Variants in CNTN5 observed in about 807,000 individuals in gnomAD.
CNTN5 encodes contactin 5, also known as contactin-5.
CNTN5 carries 77 observed loss-of-function variants against 129.1 expected under a neutral mutation model. The ratio of observed to expected loss-of-function variants is 0.60; its 90% CI spans 0.50 to 0.72. The LOEUF (loss-of-function observed/expected upper bound fraction) is 0.72, where lower values mean the gene tolerates loss of function less well. Among genes scored for constraint, CNTN5 ranks in the 30% least tolerant of loss-of-function variants. CNTN5 has a pLI of 0.00. For synonymous variants in CNTN5, 509 were observed against 465.6 expected (o/e 1.09, Z -1.20); for missense variants, 1,478 against 1,328.8 (o/e 1.11, Z -1.75).
chr11:99,644,213 A>G (rs983524084), intron 3 of CNTN5, among the ~76,000 whole-genome samples: 1 of 118,882 alleles, frequency 8.4e-6, no homozygotes. Context: ...AGAGGAGTCA[A>G]ATCAGAAACT....
rs202044970 is a variant in CNTN5 at position 99,849,343 on chromosome 11, C to CAT, written c.577+4094_577+4095dup. On this transcript the variant is annotated intron_variant, in intron 6 of 24. Transcript: ENST00000524871. ...GTCACATGGCTTTTTGCAGATTCAA[C>CAT]ATATATATATATATGCATAATTAGT... 5.2e-3 allele frequency among the ~76,000 whole-genome samples: 780 copies of CAT among 149,854 alleles called. 7 individuals carry two copies. Among genetic ancestry groups the CAT allele is most frequent in the East Asian group, 0.037 (188 of 5,136 alleles).
intron 1 of CNTN5, among the ~76,000 whole-genome samples, chr11:99,252,247 A>G (rs17660023): frequency 0.095 from 14,494 of 151,770 alleles, 731 homozygotes; most frequent in South Asian, 0.15. Context: ...ATTTTCCCAG[A>G]CCTTAACTAT....
At chr11:99,066,502 TTC>T (rs1241036120) in intron 1 of CNTN5, among the ~76,000 whole-genome samples, 1 of 152,180 alleles carries the variant, frequency 6.6e-6, no homozygotes, top group Non-Finnish European at 1.5e-5. Context: ...CAACAAATTT[TTC>T]TCTGTTAAAT....
intron 3 of CNTN5, among the ~76,000 whole-genome samples, chr11:99,753,691 C>CTTT (rs370112097): frequency 1.8e-5 from 2 of 113,374 alleles, no homozygotes; most frequent in Non-Finnish European, 1.7e-5. Context: ...AAATCACTTC[C>CTTT]TTTTTTTTTT....
intron 2 of CNTN5, among the ~76,000 whole-genome samples, chr11:99,474,515 C>T (rs1199610630): frequency 1.3e-5 from 2 of 151,966 alleles, no homozygotes; most frequent in South Asian, 2.1e-4. Context: ...ATAAAAAAAG[C>T]CCATTTCGTT....
intron 13 of CNTN5, among the ~76,000 whole-genome samples, chr11:100,121,522 A>C (rs990736379): frequency 6.6e-6 from 1 of 151,936 alleles, no homozygotes; most frequent in South Asian, 2.1e-4. Flanking sequence ...GGGGAGGGCA[A>C]TTGTTCCTCT....
At chr11:100,281,431 G>T (rs550212739) in intron 18 of CNTN5, among the ~76,000 whole-genome samples, 1 of 152,132 alleles carries the variant, frequency 6.6e-6, no homozygotes, top group South Asian at 2.1e-4. Context: ...GGCCTGTAAA[G>T]TTTCCACTGA....
chr11:100,291,382 G>A (rs1591483616), intron 18 of CNTN5, among the ~76,000 whole-genome samples: 1 of 150,274 alleles, frequency 6.7e-6, no homozygotes, highest in Non-Finnish European at 1.5e-5. Context: ...TGATAGACTG[G>A]ATTAAGAAAA....
At position 100,341,135 on chromosome 11, in the gene CNTN5, G is replaced by A; in HGVS notation, c.2960G>A (p.Gly987Asp). ...AGCAACCTCAGGTGGGAGCAGCAAG[G>A]CTCTCAGGTTTCTCTGGGCTGGGAA... ...APSNLRWEQQ[G>D]SQVSLGWEPV... The change falls in exon 23 of 25, where the codon GGC becomes GAC. Residue 987 changes from glycine to aspartate, a missense_variant. Coordinates refer to ENST00000524871, the MANE Select transcript of CNTN5 (RefSeq NM_014361.4). 6.2e-7 allele frequency: 1 copy of A among 1,613,842 alleles called. No homozygotes were observed. Among genetic ancestry groups the A allele is most frequent in the Non-Finnish European group, 8.5e-7 (1 of 1,179,790 alleles).
chr11:99,255,631 TGTTA>T (rs1349423817), intron 1 of CNTN5, among the ~76,000 whole-genome samples: 3 of 151,714 alleles, frequency 2.0e-5, no homozygotes, highest in Admixed American at 2.0e-4. Flanking sequence ...TACATCTATT[TGTTA>T]GTTAATGAAA....
chr11:99,750,872 C>T (rs1376554603), intron 3 of CNTN5, among the ~76,000 whole-genome samples: 4 of 152,188 alleles, frequency 2.6e-5, no homozygotes, highest in Non-Finnish European at 4.4e-5. Context: ...TAGCCTGGAG[C>T]ATCTGTTTCT....
intron 2 of CNTN5, among the ~76,000 whole-genome samples, chr11:99,381,422 A>C (rs1025397349): frequency 3.9e-5 from 6 of 152,202 alleles, no homozygotes; most frequent in African/African-American, 1.4e-4. Context: ...GGCTTATTTT[A>C]GGATGTAATA....
chr11:99,998,909 G>T (rs950171607), intron 8 of CNTN5, among the ~76,000 whole-genome samples: 32 of 150,470 alleles, frequency 2.1e-4, no homozygotes, highest in African/African-American at 7.8e-4. Context: ...ATGGGGAAAG[G>T]ATTCCCTATT....
chr11:99,716,722 T>C (rs1446816983), intron 3 of CNTN5, among the ~76,000 whole-genome samples: 1 of 152,114 alleles, frequency 6.6e-6, no homozygotes, highest in Non-Finnish European at 1.5e-5. Flanking sequence ...GCTCTCAATA[T>C]TTTTAAGTAA....
rs568082846 is a variant in CNTN5, at chr11:99,358,278, T to C, written c.-71+32794T>C. On this transcript the variant is annotated intron_variant, in intron 2 of 24. Transcript: ENST00000524871. ...TGATTTTTTTTTTTTTTTTTTTTAG[T>C]AGAGATGGGGTTTCACCGTGTTAGC... Among the ~76,000 whole-genome samples the C allele has an allele frequency of 4.5e-3, 592 of 132,742 alleles. 9 individuals carry two copies. The highest frequency in any genetic ancestry group is 0.015 in the African/African-American group (543 of 36,048). The allele number at this position is 132,742 out of a possible 152,430, so 87.1% of individuals were successfully genotyped here.
intron 1 of CNTN5, among the ~76,000 whole-genome samples, chr11:99,186,950 C>T (rs1858386248): frequency 6.6e-6 from 1 of 151,876 alleles, no homozygotes; most frequent in Non-Finnish European, 1.5e-5. Context: ...GAGGGTTGAG[C>T]AGCCAGTTCT....
At chr11:99,338,248 C>A (rs1024348854) in intron 2 of CNTN5, among the ~76,000 whole-genome samples, 4 of 152,178 alleles carry the variant, frequency 2.6e-5, no homozygotes, top group African/African-American at 9.7e-5. Flanking sequence ...TTCCACCCAG[C>A]CTGGTCAAAC....
intron 9 of CNTN5, among the ~76,000 whole-genome samples, chr11:100,036,665 C>A (rs1366760032): frequency 1.3e-5 from 2 of 150,344 alleles, no homozygotes; most frequent in African/African-American, 4.9e-5. Flanking sequence ...TTGTCATTCT[C>A]CTTGAAGAGG....
At chr11:100,026,201 T>G (rs1941411581) in intron 9 of CNTN5, among the ~76,000 whole-genome samples, 1 of 152,042 alleles carries the variant, frequency 6.6e-6, no homozygotes, top group Non-Finnish European at 1.5e-5. Flanking sequence ...ATCTGAGGGT[T>G]TTATAAGGGG....
Sources: gnomAD v4.1 joint callset for allele counts (sites outside exome capture counted in the v4.1 genomes callset) on GRCh38, gnomAD v4.1.1 for gene constraint, MANE v1.5 for transcripts, NCBI Gene and HGNC (gene_info 2026-07-23, HGNC 2026-07-21) for gene names.